The following MRTFB variants were observed in gnomAD, a reference collection of about 807,000 sequenced individuals.
The protein encoded by MRTFB is myocardin related transcription factor B.
MRTFB carries 29 observed loss-of-function variants against 104.2 expected under a neutral mutation model. The observed-to-expected ratio is 0.28, with a 90% CI of 0.21 to 0.38. The LOEUF (loss-of-function observed/expected upper bound fraction) is 0.38, where lower values mean the gene tolerates loss of function less well. MRTFB is among the 10% of genes least tolerant of loss of function. The pLI, the probability that MRTFB is intolerant of heterozygous loss-of-function variation, is 1.00. For missense variants in MRTFB, 1,270 were observed against 1,341.6 expected (o/e 0.95, Z 0.83); for synonymous variants, 535 against 519.5 (o/e 1.03, Z -0.41).
chr16:14,070,244 C>A (rs917742074), upstream of MRTFB, among the ~76,000 whole-genome samples: 19 of 152,184 alleles, frequency 1.2e-4, no homozygotes, highest in Admixed American at 1.0e-3. Flanking sequence ...CGGACTCAGA[C>A]CCAGGTTCAA....
intron 2 of MRTFB, among the ~76,000 whole-genome samples, chr16:14,084,249 G>A (rs2034574955): frequency 6.6e-6 from 1 of 152,186 alleles, no homozygotes; most frequent in African/African-American, 2.4e-5. Flanking sequence ...GTTTCAAGAA[G>A]CTTTAAGACT....
rs1343035033 is a variant in MRTFB at position 14,081,677 on chromosome 16, T to C, written c.-64+2323T>C. Among the ~76,000 whole-genome samples the C allele has an allele frequency of 3.9e-5, 6 of 152,252 alleles. No individual in the cohort carries two copies. In the East Asian group the frequency reaches 1.2e-3, roughly 29 times the overall value. ...TCACTGCAGCCTTGACCTTCTAGGC[T>C]CAAGTGATCCTCCCACTTCAGCCTC... is the stretch of plus-strand genomic sequence containing the variant. On this transcript the variant is annotated intron_variant, in intron 2 of 16. Transcript: ENST00000571589.
rs140291734 is a variant in MRTFB, at chr16:14,228,769, C to T, written c.694-5377C>T. Among the ~76,000 whole-genome samples, 149 of 147,800 alleles carry T rather than the reference C, an allele frequency of 1.0e-3. 1 individual carries two copies. Among genetic ancestry groups the T allele is most frequent in the African/African-American group, 3.6e-3 (145 of 40,138 alleles). ...TAAAAAGGAAGCAAATTCTGCATTC[C>T]GTCATTGATGAAACTCTAGCTCATG... On this transcript the variant is annotated intron_variant, in intron 8 of 16. Coordinates refer to ENST00000571589, the MANE Select transcript of MRTFB (RefSeq NM_001308142.2).
At chr16:14,124,081 A>G (rs1258861407) in intron 2 of MRTFB, among the ~76,000 whole-genome samples, 3 of 152,304 alleles carry the variant, frequency 2.0e-5, no homozygotes, top group African/African-American at 7.2e-5. Flanking sequence ...TTATTGGTGT[A>G]TAAGAATACT....
At chr16:14,156,603 A>G (rs1410610675) in intron 3 of MRTFB, among the ~76,000 whole-genome samples, 1 of 152,194 alleles carries the variant, frequency 6.6e-6, no homozygotes, top group Admixed American at 6.5e-5. Flanking sequence ...TGGTCATTCC[A>G]TTGGTTCAAG....
chr16:14,113,507 G>A (rs146017904), intron 2 of MRTFB, among the ~76,000 whole-genome samples: 213 of 152,358 alleles, frequency 1.4e-3, no homozygotes, highest in African/African-American at 5.0e-3. Flanking sequence ...CGCAGTAGGT[G>A]ATTTCAGAAT....
intron 3 of MRTFB, chr16:14,195,684 AG>A (rs1838977044): frequency 2.2e-6 from 1 of 444,914 alleles, no homozygotes; most frequent in African/African-American, 2.1e-5. Flanking sequence ...AAGAAACATG[AG>A]AACATTCTAT....
At chr16:14,098,752 T>A (rs2035534164) in intron 2 of MRTFB, among the ~76,000 whole-genome samples, 1 of 152,210 alleles carries the variant, frequency 6.6e-6, no homozygotes. Context: ...TTAGATTTAG[T>A]TGTTGCATGT....
the MRTFB span, among the ~76,000 whole-genome samples, chr16:14,003,980 T>C: frequency 6.6e-6 from 1 of 152,022 alleles, no homozygotes; most frequent in Non-Finnish European, 1.5e-5. Flanking sequence ...CTCCAGTCTG[T>C]GGAGGAGAGC....
chr16:14,217,032 A>G, intron 6 of MRTFB, 94 bp from the exon 7 acceptor site: 1 of 1,288,784 alleles, frequency 7.8e-7, no homozygotes, highest in South Asian at 1.8e-5. Context: ...AAATGTGTCT[A>G]AATCAGTTTA....
At chr16:14,108,763 T>A (rs1358993669) in intron 2 of MRTFB, among the ~76,000 whole-genome samples, 1 of 152,200 alleles carries the variant, frequency 6.6e-6, no homozygotes, top group Non-Finnish European at 1.5e-5. Context: ...TTGGTGAACT[T>A]ATTATGTGTG....
chr16:14,150,947 C>A (rs1225010549), intron 3 of MRTFB: 1 of 152,184 alleles, frequency 6.6e-6, no homozygotes, highest in Non-Finnish European at 1.5e-5. Context: ...CTGCACTACA[C>A]ATGATGAAAA....
chr16:14,055,465 C>T, the MRTFB span, among the ~76,000 whole-genome samples: 1 of 152,334 alleles, frequency 6.6e-6, no homozygotes, highest in South Asian at 2.1e-4. Flanking sequence ...TGTCCAGGAA[C>T]CCACATTACA....
At chr16:14,012,922 T>A in the MRTFB span, 1 of 152,106 alleles carries the variant, frequency 6.6e-6, no homozygotes, top group Non-Finnish European at 1.5e-5. Context: ...CTTAGTGAGG[T>A]CTTTTCAATG....
At chr16:14,100,029 A>G (rs1020137602) in intron 2 of MRTFB, among the ~76,000 whole-genome samples, 1 of 152,202 alleles carries the variant, frequency 6.6e-6, no homozygotes, top group Non-Finnish European at 1.5e-5. Flanking sequence ...TTTCATAATC[A>G]TGTTATTTTT....
At chr16:14,059,893 G>A in the MRTFB span, among the ~76,000 whole-genome samples, 14 of 151,872 alleles carry the variant, frequency 9.2e-5, no homozygotes, top group African/African-American at 3.4e-4. Flanking sequence ...AAGGACCTGG[G>A]TCTGAATTCC....
intron 3 of MRTFB, 104 bp downstream of exon 3, chr16:14,140,864 C>A: frequency 1.5e-6 from 2 of 1,342,594 alleles, no homozygotes; most frequent in Non-Finnish European, 1.0e-6. Context: ...GTTCAGCAGT[C>A]TGTCATGGAG....
chr16:14,164,952 TAA>T (rs879278829), intron 3 of MRTFB, among the ~76,000 whole-genome samples: 1 of 143,160 alleles, frequency 7.0e-6, no homozygotes. Context: ...AAGACAAAAT[TAA>T]AAAAAAAAAA....
At chr16:14,105,544 C>T (rs943518625) in intron 2 of MRTFB, among the ~76,000 whole-genome samples, 1 of 151,942 alleles carries the variant, frequency 6.6e-6, no homozygotes, top group African/African-American at 2.4e-5. Context: ...ACTATAGGCA[C>T]GTGCTACCGT....
Sources: allele counts gnomAD v4.1 joint callset (sites outside exome capture counted in the v4.1 genomes callset), GRCh38; gene constraint gnomAD v4.1.1; transcripts MANE v1.5; gene names NCBI Gene and HGNC (gene_info 2026-07-23, HGNC 2026-07-21).